CCDC60: variants seen among roughly 807,000 people sequenced by gnomAD.
CCDC60 encodes the protein coiled-coil domain containing 60, also known as coiled-coil domain-containing protein 60.
Under a neutral mutation model 63.5 loss-of-function variants are expected in CCDC60, and 54 were observed. That is an observed-to-expected ratio of 0.85 (90% confidence interval 0.68 to 1.07). The LOEUF is 1.07. CCDC60 is among the 50% of genes least tolerant of loss of function. CCDC60 has a pLI of 0.00. For missense variants in CCDC60, 651 were observed against 684.3 expected (o/e 0.95, Z 0.54); for synonymous variants, 206 against 238.8 (o/e 0.86, Z 1.27).
chr12:119,528,781 G>A (rs987134825), intron 12 of CCDC60, 35 bp downstream of exon 12: 9 of 1,600,890 alleles, frequency 5.6e-6, no homozygotes, highest in Non-Finnish European at 6.8e-6. Context: ...GATGGTCCCT[G>A]GAAGAGAACA....
At chr12:119,391,511 C>T (rs947848866) in intron 1 of CCDC60, among the ~76,000 whole-genome samples, 1 of 152,256 alleles carries the variant, frequency 6.6e-6, no homozygotes, top group African/African-American at 2.4e-5. Flanking sequence ...GGGCAAGTTA[C>T]TTGGCCCTCT....
intron 1 of CCDC60, among the ~76,000 whole-genome samples, chr12:119,399,151 G>T (rs1956341244): frequency 6.6e-6 from 1 of 152,142 alleles, no homozygotes; most frequent in African/African-American, 2.4e-5. Flanking sequence ...CAATTCAAGA[G>T]GCCCCAGTTT....
At chr12:119,336,441 C>G (rs1324339558) in intron 1 of CCDC60, among the ~76,000 whole-genome samples, 1 of 152,148 alleles carries the variant, frequency 6.6e-6, no homozygotes, top group East Asian at 1.9e-4. Context: ...AATAAATCAG[C>G]AATGACACTG....
intron 9 of CCDC60, among the ~76,000 whole-genome samples, chr12:119,522,642 G>A (rs1449883139): frequency 1.3e-5 from 2 of 152,214 alleles, no homozygotes; most frequent in African/African-American, 4.8e-5. Context: ...TGCAGAGGCG[G>A]AAGGTCAAAG....
intron 1 of CCDC60, among the ~76,000 whole-genome samples, chr12:119,370,482 C>T (rs1215197833): frequency 6.6e-6 from 1 of 152,224 alleles, no homozygotes; most frequent in East Asian, 1.9e-4. Flanking sequence ...CCCAAACACA[C>T]ATCACAGGTA....
intron 1 of CCDC60, among the ~76,000 whole-genome samples, chr12:119,386,992 C>G (rs866443081): frequency 2.7e-5 from 4 of 148,578 alleles, no homozygotes; most frequent in Non-Finnish European, 4.5e-5. Flanking sequence ...TCTTCCCCCT[C>G]AACTCTCTCT....
chr12:119,519,422 T>TGTGTGTGTGCGC (rs1952442961), intron 8 of CCDC60, among the ~76,000 whole-genome samples: 1 of 140,334 alleles, frequency 7.1e-6, no homozygotes, highest in Admixed American at 7.3e-5. Flanking sequence ...TGTGTGTGTG[T>TGTGTGTGTGCGC]GTGTGTGTGT....
At chr12:119,523,965 TG>T (rs1169385104) in intron 11 of CCDC60, 147 bp downstream of exon 11, 3 of 753,062 alleles carry the variant, frequency 4.0e-6, no homozygotes, top group Non-Finnish European at 6.3e-6. Flanking sequence ...CTGGAAAATA[TG>T]GGCAGAAACA....
intron 13 of CCDC60, among the ~76,000 whole-genome samples, chr12:119,539,293 C>T (rs545045329): frequency 1.3e-5 from 2 of 152,346 alleles, no homozygotes; most frequent in East Asian, 1.9e-4. Context: ...CACCCACAAC[C>T]GCCCCTTCTC....
chr12:119,527,646 TTTTC>T (rs774904260), intron 11 of CCDC60, among the ~76,000 whole-genome samples: 10 of 136,200 alleles, frequency 7.3e-5, no homozygotes, highest in East Asian at 6.9e-4. Flanking sequence ...AGACTTTGTT[TTTTC>T]TTTCTTTCTT....
At chr12:119,504,994 C>T (rs1224892276) in intron 6 of CCDC60, 75 bp from the exon 7 acceptor site, 3 of 1,149,348 alleles carry the variant, frequency 2.6e-6, no homozygotes, top group African/African-American at 3.1e-5. Flanking sequence ...CACCTTCCTC[C>T]TTCCCTCCTT....
intron 1 of CCDC60, among the ~76,000 whole-genome samples, chr12:119,401,711 A>G (rs1956395168): frequency 1.3e-5 from 2 of 152,248 alleles, no homozygotes; most frequent in African/African-American, 2.4e-5. Flanking sequence ...TATCCTCAAT[A>G]ATGGATATCA....
intron 7 of CCDC60, among the ~76,000 whole-genome samples, chr12:119,508,739 A>AAAGTTTT: frequency 1.3e-5 from 2 of 152,186 alleles, no homozygotes; most frequent in Non-Finnish European, 2.9e-5. Context: ...CAGGTGCAAG[A>AAAGTTTT]GGAAGTATCT....
chr12:119,383,439 A>G (rs1479443977), intron 1 of CCDC60, among the ~76,000 whole-genome samples: 4 of 152,122 alleles, frequency 2.6e-5, no homozygotes, highest in Non-Finnish European at 5.9e-5. Context: ...AAGCTGAACC[A>G]ATCAGATTTC....
chr12:119,383,131 G>T (rs1288495455), intron 1 of CCDC60, among the ~76,000 whole-genome samples: 1 of 152,190 alleles, frequency 6.6e-6, no homozygotes, highest in Non-Finnish European at 1.5e-5. Flanking sequence ...GATCTGGGCT[G>T]GGATCAGTGG....
At chr12:119,523,074 G>A in intron 10 of CCDC60, 73 bp downstream of exon 10, 2 of 1,349,042 alleles carry the variant, frequency 1.5e-6, no homozygotes, top group Admixed American at 1.7e-5. Context: ...CTTCCCAGGG[G>A]TGTAGAAATG....
In CCDC60 at chr12:119,368,857, A is replaced by G. The variant is rs76421522; in HGVS notation, c.90+33591A>G. Among the ~76,000 whole-genome samples the G allele has an allele frequency of 4.9e-3, 748 of 152,262 alleles. 7 individuals are homozygous for G. Among genetic ancestry groups the G allele is most frequent in the African/African-American group, 0.017 (698 of 41,538 alleles). ...CTTTATCTGTAATACCCCAAATTTA[A>G]TTGGTGCTAATTATTTCTCTTTCTA... On this transcript the variant is annotated intron_variant, in intron 1 of 13. Transcript: ENST00000327554.
intron 13 of CCDC60, among the ~76,000 whole-genome samples, chr12:119,538,413 T>C (rs1203051533): frequency 6.6e-6 from 1 of 152,196 alleles, no homozygotes; most frequent in Non-Finnish European, 1.5e-5. Context: ...TTGCCCTCCA[T>C]GGGCTGCACC....
intron 2 of CCDC60, among the ~76,000 whole-genome samples, chr12:119,431,710 G>T (rs1054865924): frequency 6.6e-6 from 1 of 152,058 alleles, no homozygotes; most frequent in East Asian, 1.9e-4. Flanking sequence ...ACAGAGTCTC[G>T]CTCTGTTGCC....
Sources: gnomAD v4.1 joint callset for allele counts (sites outside exome capture counted in the v4.1 genomes callset) on GRCh38, gnomAD v4.1.1 for gene constraint, MANE v1.5 for transcripts, NCBI Gene and HGNC (gene_info 2026-07-23, HGNC 2026-07-21) for gene names.